Variants in MAPKAPK5 observed in about 807,000 individuals in gnomAD.
MAPKAPK5 encodes the protein MAPK activated protein kinase 5, also known as MAP kinase-activated protein kinase 5.
A neutral mutation model predicts 65.1 loss-of-function variants in MAPKAPK5; 30 were observed. That is an observed-to-expected ratio of 0.46 (90% CI 0.34 to 0.63). The LOEUF (loss-of-function observed/expected upper bound fraction) is 0.63. Ranked by LOEUF, MAPKAPK5 falls within the 20% of genes least tolerant of loss-of-function variation. The pLI, the probability that MAPKAPK5 is intolerant of heterozygous loss-of-function variation, is 0.01. For missense variants in MAPKAPK5, 433 were observed against 581.4 expected, an observed-to-expected ratio of 0.74 and a Z score of 2.63; for synonymous variants, 179 against 204.6, an observed-to-expected ratio of 0.87 and a Z score of 1.07.
chr12:111,846,262 T>C (rs2068903583), intron 1 of MAPKAPK5, among the ~76,000 whole-genome samples: 2 of 152,200 alleles, frequency 1.3e-5, no homozygotes, highest in African/African-American at 4.8e-5. Flanking sequence ...GTTCAGCAGA[T>C]GGTGAGCACT....
At chr12:111,847,692 G>T (rs754062441) in intron 1 of MAPKAPK5, among the ~76,000 whole-genome samples, 25 of 152,198 alleles carry the variant, frequency 1.6e-4, no homozygotes, top group Non-Finnish European at 3.1e-4. Context: ...GTAATTTTTA[G>T]TAAATTTATA....
chr12:111,851,486 T>C (rs1437590431), intron 1 of MAPKAPK5, among the ~76,000 whole-genome samples: 1 of 152,080 alleles, frequency 6.6e-6, no homozygotes, highest in African/African-American at 2.4e-5. Context: ...CCACAATGCC[T>C]GGCTAATTTT....
At chr12:111,844,212 T>A (rs1263954114) in intron 1 of MAPKAPK5, among the ~76,000 whole-genome samples, 2 of 147,958 alleles carry the variant, frequency 1.4e-5, no homozygotes. Flanking sequence ...TTTTTTTGAG[T>A]CGGAGTCTGG....
intron 7 of MAPKAPK5, among the ~76,000 whole-genome samples, chr12:111,876,522 T>G (rs2069978603): frequency 6.6e-6 from 1 of 152,188 alleles, no homozygotes; most frequent in African/African-American, 2.4e-5. Flanking sequence ...TCCTTTGTTT[T>G]TCCTGCCAGG....
chr12:111,853,320 C>T (rs1450028693), intron 1 of MAPKAPK5, among the ~76,000 whole-genome samples: 2 of 151,584 alleles, frequency 1.3e-5, no homozygotes, highest in Non-Finnish European at 1.5e-5. Context: ...TATGGTGAGC[C>T]AAGATGGCGC....
intron 1 of MAPKAPK5, among the ~76,000 whole-genome samples, chr12:111,864,532 T>G (rs150458930): frequency 1.1e-3 from 160 of 152,250 alleles, no homozygotes; most frequent in African/African-American, 3.5e-3. Flanking sequence ...GTGAATGAAT[T>G]AATTAATTAA....
At chr12:111,864,058 C>T (rs1237700888) in intron 1 of MAPKAPK5, among the ~76,000 whole-genome samples, 2 of 152,034 alleles carry the variant, frequency 1.3e-5, no homozygotes, top group African/African-American at 4.8e-5. Flanking sequence ...TGCTTGAAGT[C>T]AGGAGTTTGA....
Position 111,901,005 on chromosome 12 carries a change from C to T in MAPKAPK5, c.*7944C>T, listed in dbSNP as rs753463517. The T allele has an allele frequency of 9.0e-5, 41 of 455,868 alleles. No individual in the cohort carries two copies. The highest frequency in any genetic ancestry group is 1.4e-4 in the Non-Finnish European group (31 of 226,802). 28.2% of individuals were successfully genotyped at this position (455,868 alleles called of 1,614,324 possible). A position where few individuals can be genotyped will look rare whatever the true frequency, so the allele number is the denominator to read the frequency against. Reference sequence around the variant, plus strand: ...TACCAGTCCTGGGTCACAATATGTTCGGTGTTCAGATGGTAATATATTTTG... The same window carrying T: ...TACCAGTCCTGGGTCACAATATGTTTGGTGTTCAGATGGTAATATATTTTG... On this transcript the variant is annotated 3_prime_UTR_variant, in exon 14 of 14. Coordinates refer to ENST00000550735, the MANE Select transcript of MAPKAPK5 (RefSeq NM_003668.4).
At chr12:111,871,284 G>A (rs2069774059) in intron 7 of MAPKAPK5, 104 bp downstream of exon 7, 1 of 856,424 alleles carries the variant, frequency 1.2e-6, no homozygotes. Flanking sequence ...CAGATGGGAG[G>A]GGGAGAACTT....
At chr12:111,853,482 AG>A (rs1242250179) in intron 1 of MAPKAPK5, among the ~76,000 whole-genome samples, 12 of 152,086 alleles carry the variant, frequency 7.9e-5, no homozygotes, top group Admixed American at 4.6e-4. Context: ...TTGTATCCTT[AG>A]TACATTTGCA....
Position 111,899,703 on chromosome 12 carries a change from G to T in MAPKAPK5, c.*6642G>T. The T allele has an allele frequency of 3.2e-6, 1 of 307,846 alleles. No individual in the cohort carries two copies. Among genetic ancestry groups the T allele is most frequent in the Non-Finnish European group, 6.6e-6 (1 of 152,664 alleles). The allele number at this position is 307,846 out of a possible 1,614,324, so 19.1% of individuals were successfully genotyped here. A position where few individuals can be genotyped will look rare whatever the true frequency, so the allele number is the denominator to read the frequency against. ...TTTCATCTCACATGACTGCCACTAT[G>T]AAGGCTACATAGAAGGAGTGTCAGG... On this transcript the variant is annotated 3_prime_UTR_variant, in exon 14 of 14. Transcript: ENST00000550735.
chr12:111,856,412 T>TC (rs2069242812), intron 1 of MAPKAPK5, among the ~76,000 whole-genome samples: 1 of 149,950 alleles, frequency 6.7e-6, no homozygotes, highest in Admixed American at 6.6e-5. Context: ...TTTCTTTCTT[T>TC]TTTTTTTTTT....
Position 111,900,462 on chromosome 12 carries a change from G to A in MAPKAPK5, c.*7401G>A. On this transcript the variant is annotated 3_prime_UTR_variant, in exon 14 of 14. Transcript: ENST00000550735. ...GCATGAAAATATCACAAAAGAAAGT[G>A]GCTTCAGCAGCTGCAGCTCTGACTA... The A allele has an allele frequency of 2.2e-6, 1 of 456,062 alleles. No individual in the cohort carries two copies. Among genetic ancestry groups the A allele is most frequent in the South Asian group, 1.5e-5 (1 of 64,564 alleles). The allele number at this position is 456,062 out of a possible 1,614,324, so 28.3% of individuals were successfully genotyped here. A position where few individuals can be genotyped will look rare whatever the true frequency, so the allele number is the denominator to read the frequency against.
chr12:111,856,934 G>A (rs561872878), intron 1 of MAPKAPK5, among the ~76,000 whole-genome samples: 2 of 152,138 alleles, frequency 1.3e-5, no homozygotes, highest in South Asian at 4.2e-4. Context: ...ACTATCTGAT[G>A]TAAATTCTCT....
intron 13 of MAPKAPK5, among the ~76,000 whole-genome samples, chr12:111,892,694 T>C (rs560701796): frequency 6.6e-6 from 1 of 152,342 alleles, no homozygotes; most frequent in South Asian, 2.1e-4. Flanking sequence ...TATGAGTCTT[T>C]TGTCAGCTGT....
At chr12:111,855,397 A>G (rs374153173) in intron 1 of MAPKAPK5, among the ~76,000 whole-genome samples, 2 of 152,162 alleles carry the variant, frequency 1.3e-5, no homozygotes, top group East Asian at 3.8e-4. Context: ...GTAGGCATTT[A>G]CAGCTATAAA....
At chr12:111,877,743 C>T (rs1437660968) in intron 7 of MAPKAPK5, among the ~76,000 whole-genome samples, 1 of 152,166 alleles carries the variant, frequency 6.6e-6, no homozygotes, top group African/African-American at 2.4e-5. Flanking sequence ...TGCAGTGGCA[C>T]AATCATGACT....
At chr12:111,865,028 G>A (rs939832619) in intron 1 of MAPKAPK5, among the ~76,000 whole-genome samples, 13 of 152,276 alleles carry the variant, frequency 8.5e-5, no homozygotes, top group South Asian at 6.2e-4. Flanking sequence ...TCCTTTTATC[G>A]TGAAGTCTTT....
intron 1 of MAPKAPK5, among the ~76,000 whole-genome samples, chr12:111,844,208 T>C (rs183130806): frequency 1.0e-3 from 155 of 151,764 alleles, no homozygotes; most frequent in African/African-American, 3.7e-3. Context: ...TTTTTTTTTT[T>C]GAGTCGGAGT....
Sources: allele counts gnomAD v4.1 joint callset (sites outside exome capture counted in the v4.1 genomes callset), GRCh38; gene constraint gnomAD v4.1.1; transcripts MANE v1.5; gene names NCBI Gene and HGNC (gene_info 2026-07-23, HGNC 2026-07-21).